SRSF4: variants seen among roughly 807,000 people sequenced by gnomAD.
The protein encoded by SRSF4 is serine and arginine rich splicing factor 4, also known as serine/arginine-rich splicing factor 4.
SRSF4 carries 12 observed loss-of-function variants against 48.8 expected under a neutral mutation model. The ratio of observed to expected loss-of-function variants is 0.25; its 90% CI spans 0.16 to 0.40. SRSF4 has a LOEUF of 0.40. Among genes scored for constraint, SRSF4 ranks in the 10% least tolerant of loss-of-function variants. The pLI is 1.00. For missense variants in SRSF4, 466 were observed against 667.1 expected (o/e 0.70, Z 3.32); for synonymous variants, 248 against 232.5 (o/e 1.07, Z -0.61).
chr1:29,171,588 A>G (rs1289443561), intron 1 of SRSF4: 2 of 151,922 alleles, frequency 1.3e-5, no homozygotes, highest in African/African-American at 2.4e-5. Flanking sequence ...ATACAAATGC[A>G]TTAATATTTT....
intron 1 of SRSF4, among the ~76,000 whole-genome samples, chr1:29,180,902 T>TA (rs1319297856): frequency 6.6e-6 from 1 of 152,244 alleles, no homozygotes; most frequent in East Asian, 1.9e-4. Context: ...ACGCAGATAC[T>TA]AGCCAGGGTG....
At chr1:29,174,422 C>T in intron 1 of SRSF4, among the ~76,000 whole-genome samples, 1 of 152,028 alleles carries the variant, frequency 6.6e-6, no homozygotes, top group East Asian at 1.9e-4. Context: ...TAAAATAGTA[C>T]AAAAATAAAG....
chr1:29,152,163 T>C (rs1672420655), intron 4 of SRSF4, among the ~76,000 whole-genome samples: 1 of 152,196 alleles, frequency 6.6e-6, no homozygotes, highest in Non-Finnish European at 1.5e-5. Context: ...TATTACATCA[T>C]AGTATGGAAT....
chr1:29,165,955 T>C (rs1672664611), intron 1 of SRSF4: 1 of 152,232 alleles, frequency 6.6e-6, no homozygotes, highest in Non-Finnish European at 1.5e-5. Context: ...CAGCCAACCA[T>C]CAGCAGGATG....
Position 29,148,574 on chromosome 1 carries a change from G to A in SRSF4, c.1321C>T (p.Arg441Trp), listed in dbSNP as rs181260012. 1.5e-5 allele frequency: 25 copies of A among 1,614,024 alleles called. No homozygotes were observed. The highest frequency in any genetic ancestry group is 4.5e-5 in the East Asian group (2 of 44,862). Residue 441 changes from arginine (R) to tryptophan (W), a missense_variant, in exon 6 of 6, where the codon CGG becomes TGG. Physicochemically the swap from Arg to Trp is moderately radical, Grantham distance 101. Coordinates refer to ENST00000373795, the MANE Select transcript of SRSF4 (RefSeq NM_005626.5). ...SENAGTNQET[R>W]SRSRSNSKSK... ...TTGGAATTGGATCTCGACCTGGACC[G>A]GGTCTCCTGATTGGTGCCAGCATTC...
At chr1:29,159,626 T>C in intron 2 of SRSF4, 140 bp from the exon 3 acceptor site, 1 of 474,480 alleles carries the variant, frequency 2.1e-6, no homozygotes, top group Non-Finnish European at 3.7e-6. Context: ...CACCCTTAAT[T>C]CTAAAATAGA....
intron 4 of SRSF4, among the ~76,000 whole-genome samples, chr1:29,152,495 G>A (rs1452893145): frequency 1.3e-5 from 2 of 152,168 alleles, no homozygotes; most frequent in Non-Finnish European, 2.9e-5. Context: ...CTAATGGTCA[G>A]TATATCTGGT....
intron 1 of SRSF4, chr1:29,169,945 G>A (rs1672724753): frequency 6.6e-6 from 1 of 152,154 alleles, no homozygotes; most frequent in Non-Finnish European, 1.5e-5. Context: ...CTTTGTTTTA[G>A]CTATTCAAAA....
chr1:29,173,325 T>TA (rs1189350060), intron 1 of SRSF4: 11 of 151,482 alleles, frequency 7.3e-5, no homozygotes, highest in African/African-American at 2.7e-4. Flanking sequence ...ATTTTTTTTT[T>TA]AGTAGAGATA....
chr1:29,154,630 AAATT>A, intron 4 of SRSF4, 62 bp downstream of exon 4: 1 of 1,474,320 alleles, frequency 6.8e-7, no homozygotes, highest in Non-Finnish European at 9.3e-7. Flanking sequence ...AAATGTAAAT[AAATT>A]ATCTATGTGC....
Position 29,148,773 on chromosome 1 carries a change from A to C in SRSF4, c.1122T>G (p.Ser374Arg), listed in dbSNP as rs533142667. ...TGCTGCCTCGCTTTCTGCTCCTCTCACTCTTGCTGCGGCTGCGACTGCGAC... is the reference window on the plus strand; with the variant it reads ...TGCTGCCTCGCTTTCTGCTCCTCTCCCTCTTGCTGCGGCTGCGACTGCGAC... ...SRSRSRSRSK[S>R]ERSRKRGSKR... Residue 374 changes from serine to arginine, a missense_variant, in exon 6 of 6, where the codon AGT (serine) becomes AGG (arginine). Physicochemically the swap from Ser to Arg is moderately radical, Grantham distance 110 (BLOSUM62 -1). This residue lies in a region of SRSF4 where 402 missense variants were observed against 437.0 expected (regional missense o/e 0.92). Coordinates refer to ENST00000373795, the MANE Select transcript of SRSF4 (RefSeq NM_005626.5). 6.2e-7 allele frequency: 1 copy of C among 1,609,558 alleles called. No individual in the cohort carries two copies.
At chr1:29,167,209 C>G (rs910863146) in intron 1 of SRSF4, among the ~76,000 whole-genome samples, 1 of 152,182 alleles carries the variant, frequency 6.6e-6, no homozygotes, top group Admixed American at 6.5e-5. Context: ...ATAACGACTC[C>G]TAAGTATCTT....
In SRSF4 at chr1:29,147,923, G is replaced by T. The variant is rs1460741918; in HGVS notation, c.*487C>A. Reference sequence around the variant, plus strand: ...GTTTATTTCCTATGGGTTACTGCAGGTATCAATTTTCCTCGACTGTGCTAT... The same window carrying T: ...GTTTATTTCCTATGGGTTACTGCAGTTATCAATTTTCCTCGACTGTGCTAT... On this transcript the variant is annotated 3_prime_UTR_variant, in exon 6 of 6. Transcript: ENST00000373795. The T allele has an allele frequency of 8.5e-6, 3 of 354,128 alleles. No homozygotes were observed. The highest frequency in any genetic ancestry group is 4.3e-5 in the South Asian group (2 of 46,230). 21.9% of individuals were successfully genotyped at this position (354,128 alleles called of 1,614,324 possible). A position where few individuals can be genotyped will look rare whatever the true frequency, so the allele number is the denominator to read the frequency against.
At chr1:29,160,140 C>T in intron 2 of SRSF4, 4 of 440,082 alleles carry the variant, frequency 9.1e-6, no homozygotes, top group South Asian at 4.4e-5. Context: ...ACAACACAAA[C>T]ACACATCATT....
chr1:29,162,101 A>C (rs1320558683), intron 1 of SRSF4, among the ~76,000 whole-genome samples: 1 of 152,124 alleles, frequency 6.6e-6, no homozygotes, highest in Non-Finnish European at 1.5e-5. Context: ...AACTCCATTA[A>C]AAAAAATTAA....
chr1:29,159,313 A>T, intron 3 of SRSF4, 61 bp downstream of exon 3: 2 of 1,149,272 alleles, frequency 1.7e-6, no homozygotes, highest in Non-Finnish European at 2.6e-6. Context: ...GCACAAATCT[A>T]CCTGTTTCCC....
Position 29,148,855 on chromosome 1 carries a change from C to T in SRSF4, c.1040G>A (p.Arg347His), listed in dbSNP as rs554229376. 1.7e-5 allele frequency: 28 copies of T among 1,608,740 alleles called. No individual in the cohort carries two copies. The Middle Eastern group carries it at 5.0e-4, about 29-fold the overall frequency. ...KGGSRSRSRS[R>H]SKSKDKRKGR... ...CTTCCTCTTGTCCTTGCTCTTGCTG[C>T]GGCTCCTGCTCCGGCTCCTGCTGCC... The change falls in exon 6 of 6, where the codon CGC (arginine) becomes CAC (histidine). Residue 347 changes from arginine to histidine, a missense_variant. Physicochemically the swap from Arg to His is conservative, Grantham distance 29. Transcript: ENST00000373795.
chr1:29,181,782 GC>G lies in SRSF4; in HGVS notation c.-31del. 7 of 1,534,874 alleles carry G rather than the reference GC, an allele frequency of 4.6e-6. No homozygotes were observed. Among genetic ancestry groups the G allele is most frequent in the Middle Eastern group, 1.7e-4 (1 of 5,866 alleles). On this transcript the variant is annotated 5_prime_UTR_variant, in exon 1 of 6. Coordinates refer to ENST00000373795, the MANE Select transcript of SRSF4 (RefSeq NM_005626.5). ...GCAACGGCAGTGATGGCTGGCCCCGGCCCCAGCCCCCCTTAGGCGGCGGCGG... is the reference window on the plus strand; with the variant it reads ...GCAACGGCAGTGATGGCTGGCCCCGGCCCAGCCCCCCTTAGGCGGCGGCGG...
intron 1 of SRSF4, chr1:29,173,130 C>CTTTTTTTTT (rs71586892): frequency 8.9e-5 from 7 of 78,562 alleles, no homozygotes; most frequent in African/African-American, 1.5e-4. Context: ...GTCAAAAAGG[C>CTTTTTTTTT]TTTTTTTTTT....
Sources: allele counts gnomAD v4.1 joint callset (sites outside exome capture counted in the v4.1 genomes callset), GRCh38; gene constraint gnomAD v4.1.1; regional missense constraint gnomAD v4.1.1; transcripts MANE v1.5; gene names NCBI Gene and HGNC (gene_info 2026-07-23, HGNC 2026-07-21).